SCFD2: variants seen among roughly 807,000 people sequenced by gnomAD.
SCFD2 encodes sec1 family domain-containing protein 2.
A neutral mutation model predicts 58.9 loss-of-function variants in SCFD2; 54 were observed. The observed-to-expected ratio is 0.92, with a 90% CI of 0.74 to 1.15. The LOEUF is 1.15. Among genes scored for constraint, SCFD2 ranks in the 50% most tolerant of loss-of-function variants. The pLI is 0.00. For missense variants in SCFD2, 805 were observed against 836.6 expected (o/e 0.96, Z 0.47); for synonymous variants, 321 against 335.9 (o/e 0.96, Z 0.49).
At chr4:52,972,709 T>A (rs1414535759) in intron 5 of SCFD2, among the ~76,000 whole-genome samples, 2 of 152,206 alleles carry the variant, frequency 1.3e-5, no homozygotes, top group Admixed American at 1.3e-4. Flanking sequence ...ATCAACAGAA[T>A]ATACATTCTT....
intron 5 of SCFD2, among the ~76,000 whole-genome samples, chr4:52,975,274 G>A (rs1383578451): frequency 6.6e-6 from 1 of 152,154 alleles, no homozygotes. Flanking sequence ...CTACTCATCT[G>A]ACCATGGGCT....
chr4:52,888,781 C>G (rs983589683), intron 7 of SCFD2, among the ~76,000 whole-genome samples: 1 of 152,220 alleles, frequency 6.6e-6, no homozygotes, highest in African/African-American at 2.4e-5. Flanking sequence ...CCTTTGCACT[C>G]AATGCAACAT....
intron 4 of SCFD2, among the ~76,000 whole-genome samples, chr4:53,212,471 A>AAAAATAAAT (rs1553887105): frequency 6.8e-6 from 1 of 148,030 alleles, no homozygotes; most frequent in Non-Finnish European, 1.5e-5. Context: ...AAGAAAGCAA[A>AAAAATAAAT]AAATAAATAA....
chr4:53,036,038 T>TTTTTA (rs557154134), intron 5 of SCFD2, among the ~76,000 whole-genome samples: 6 of 151,930 alleles, frequency 3.9e-5, no homozygotes, highest in South Asian at 2.1e-4. Flanking sequence ...ATCGTTTTTG[T>TTTTTA]TTTTATTTTA....
At chr4:53,123,092 A>G (rs1725527771) in intron 5 of SCFD2, among the ~76,000 whole-genome samples, 1 of 152,198 alleles carries the variant, frequency 6.6e-6, no homozygotes, top group Admixed American at 6.5e-5. Flanking sequence ...CTCTCCAGAC[A>G]AAATTTTCAT....
Position 52,879,388 on chromosome 4 carries a change from C to T in SCFD2, c.1963-5327G>A, listed in dbSNP as rs543625041. 2.6e-5 allele frequency among the ~76,000 whole-genome samples: 4 copies of T among 152,328 alleles called. No individual in the cohort carries two copies. The East Asian group carries it at 5.8e-4, about 22-fold the overall frequency. On this transcript the variant is annotated intron_variant, in intron 8 of 8. Coordinates refer to ENST00000401642, the MANE Select transcript of SCFD2 (RefSeq NM_152540.4). ...AATTGTTTTTGAAGAGCCTGAACGACACTGCAACTGCAGGGCAGTTATGAC... is the reference window on the plus strand; with the variant it reads ...AATTGTTTTTGAAGAGCCTGAACGATACTGCAACTGCAGGGCAGTTATGAC...
chr4:53,215,778 G>A (rs1486465285), intron 4 of SCFD2, among the ~76,000 whole-genome samples: 1 of 152,048 alleles, frequency 6.6e-6, no homozygotes, highest in African/African-American at 2.4e-5. Flanking sequence ...TATTGGCTGT[G>A]GGTTTGTCAT....
At chr4:53,203,770 G>A (rs760867075) in intron 4 of SCFD2, among the ~76,000 whole-genome samples, 2 of 152,078 alleles carry the variant, frequency 1.3e-5, no homozygotes, top group Non-Finnish European at 2.9e-5. Flanking sequence ...CTAAAATTGG[G>A]AGGGAATTGG....
At chr4:53,081,743 A>G (rs1724154176) in intron 5 of SCFD2, among the ~76,000 whole-genome samples, 1 of 152,140 alleles carries the variant, frequency 6.6e-6, no homozygotes, top group African/African-American at 2.4e-5. Flanking sequence ...TATTGACAAG[A>G]TTGTACAAGT....
At chr4:52,942,492 G>A (rs1275462870) in intron 5 of SCFD2, among the ~76,000 whole-genome samples, 3 of 152,142 alleles carry the variant, frequency 2.0e-5, no homozygotes, top group African/African-American at 4.8e-5. Flanking sequence ...CAGGGAGACT[G>A]TTATGAGTCC....
chr4:53,073,021 G>A (rs1276410523), intron 5 of SCFD2, among the ~76,000 whole-genome samples: 1 of 151,996 alleles, frequency 6.6e-6, no homozygotes, highest in Non-Finnish European at 1.5e-5. Flanking sequence ...TGCAACTATG[G>A]ATTCAAACAA....
intron 6 of SCFD2, among the ~76,000 whole-genome samples, chr4:52,919,488 G>T (rs980211014): frequency 6.6e-6 from 1 of 152,224 alleles, no homozygotes; most frequent in Non-Finnish European, 1.5e-5. Context: ...TCTAAGAAGA[G>T]TGACAGTTTC....
chr4:53,093,723 A>C (rs1265670487), intron 5 of SCFD2, among the ~76,000 whole-genome samples: 3 of 148,690 alleles, frequency 2.0e-5, no homozygotes, highest in Non-Finnish European at 4.4e-5. Context: ...GGCAGATTTC[A>C]ATGCTATGAT....
At chr4:52,973,268 C>T (rs905723508) in intron 5 of SCFD2, among the ~76,000 whole-genome samples, 7 of 151,968 alleles carry the variant, frequency 4.6e-5, no homozygotes, top group Non-Finnish European at 7.4e-5. Context: ...TGATAGACCG[C>T]TAGCAATACT....
At chr4:53,344,235 A>G (rs1733983309) in intron 2 of SCFD2, among the ~76,000 whole-genome samples, 2 of 152,292 alleles carry the variant, frequency 1.3e-5, no homozygotes, top group East Asian at 1.9e-4. Flanking sequence ...TAAGCTGATA[A>G]GCAACTTCAG....
chr4:53,029,350 C>T (rs1327626513), intron 5 of SCFD2, among the ~76,000 whole-genome samples: 1 of 152,190 alleles, frequency 6.6e-6, no homozygotes, highest in Non-Finnish European at 1.5e-5. Flanking sequence ...CTCCAAGAGG[C>T]AAGAGGGGAA....
intron 4 of SCFD2, among the ~76,000 whole-genome samples, chr4:53,207,790 C>T (rs1222481923): frequency 1.3e-5 from 2 of 149,384 alleles, no homozygotes; most frequent in East Asian, 4.0e-4. Flanking sequence ...CTTTCTCGGG[C>T]CATGTGAAAA....
intron 8 of SCFD2, among the ~76,000 whole-genome samples, chr4:52,875,802 C>CTATATATATATATATATA (rs3052566): frequency 1.6e-5 from 1 of 61,272 alleles, no homozygotes; most frequent in Non-Finnish European, 3.3e-5. Flanking sequence ...TTATCTTTAA[C>CTATATATATATATATATA]TATATATATA....
At chr4:52,918,178 A>T (rs1719652283) in intron 6 of SCFD2, among the ~76,000 whole-genome samples, 1 of 152,228 alleles carries the variant, frequency 6.6e-6, no homozygotes, top group African/African-American at 2.4e-5. Context: ...CTGAGGACCA[A>T]ATTGGTAGAT....
Sources: allele counts gnomAD v4.1 joint callset (sites outside exome capture counted in the v4.1 genomes callset), GRCh38; gene constraint gnomAD v4.1.1; transcripts MANE v1.5; gene names NCBI Gene and HGNC (gene_info 2026-07-23, HGNC 2026-07-21).